NTNG1: variants seen among roughly 807,000 people sequenced by gnomAD.
The protein encoded by NTNG1 is netrin-G1.
A neutral mutation model predicts 54.0 loss-of-function variants in NTNG1; 16 were observed. That is an observed-to-expected ratio of 0.30 (90% confidence interval 0.20 to 0.45). NTNG1 has a LOEUF of 0.45. NTNG1 is among the 20% of genes least tolerant of loss of function. The probability of loss-of-function intolerance (pLI) is 1.00; values close to 1 mark genes in which losing one functional copy is unlikely to be tolerated. For synonymous variants in NTNG1, 255 were observed against 263.1 expected, an observed-to-expected ratio of 0.97 and a Z score of 0.30; for missense variants, 530 against 678.7, an observed-to-expected ratio of 0.78 and a Z score of 2.43.
At chr1:107,194,822 A>C (rs762693688) in intron 2 of NTNG1, among the ~76,000 whole-genome samples, 2 of 152,020 alleles carry the variant, frequency 1.3e-5, no homozygotes, top group African/African-American at 2.4e-5. Flanking sequence ...AGCTCCTACT[A>C]TATTTTTAAT....
In NTNG1 at chr1:107,197,111, A is replaced by C. The variant is rs140004819; in HGVS notation, c.246+48272A>C. Reference sequence around the variant, plus strand: ...ATTTATTGTTTATGTGAAACATTTTAACTGAGCATGCAGTACTTTTAGTTG... The same window carrying C: ...ATTTATTGTTTATGTGAAACATTTTCACTGAGCATGCAGTACTTTTAGTTG... On this transcript the variant is annotated intron_variant, in intron 2 of 7. Transcript: ENST00000370068. Among the ~76,000 whole-genome samples the C allele has an allele frequency of 1.6e-3, 237 of 152,192 alleles. 1 individual carries two copies. The highest frequency in any genetic ancestry group is 2.8e-3 in the Non-Finnish European group (190 of 67,952).
intron 5 of NTNG1, among the ~76,000 whole-genome samples, chr1:107,430,163 G>C (rs759535010): frequency 1.1e-4 from 17 of 152,112 alleles, no homozygotes; most frequent in Non-Finnish European, 2.5e-4. Flanking sequence ...GCTTAAGAAA[G>C]CCATCTTCTC....
At chr1:107,257,280 A>G (rs1347488811) in intron 2 of NTNG1, among the ~76,000 whole-genome samples, 2 of 152,226 alleles carry the variant, frequency 1.3e-5, no homozygotes, top group Non-Finnish European at 2.9e-5. Flanking sequence ...TCACTGAAAT[A>G]TATTTTTGTT....
intron 2 of NTNG1, among the ~76,000 whole-genome samples, chr1:107,178,436 T>G (rs1183131754): frequency 6.6e-6 from 1 of 152,104 alleles, no homozygotes; most frequent in Non-Finnish European, 1.5e-5. Context: ...GTTTATGAGG[T>G]CAGTCTTTTC....
At chr1:107,229,604 G>GGCTGCT (rs1291205609) in intron 2 of NTNG1, among the ~76,000 whole-genome samples, 1 of 151,952 alleles carries the variant, frequency 6.6e-6, no homozygotes, top group Admixed American at 6.6e-5. Context: ...AGAGATGGAG[G>GGCTGCT]TACCAGTGTG....
At chr1:107,313,920 T>G (rs1358705113) in intron 2 of NTNG1, among the ~76,000 whole-genome samples, 1 of 152,216 alleles carries the variant, frequency 6.6e-6, no homozygotes, top group Non-Finnish European at 1.5e-5. Flanking sequence ...TTTGTTTATC[T>G]TTTATCTCTG....
chr1:107,241,984 A>G (rs1485295741), intron 2 of NTNG1, among the ~76,000 whole-genome samples: 1 of 152,106 alleles, frequency 6.6e-6, no homozygotes, highest in Admixed American at 6.6e-5. Flanking sequence ...AGTATGTTTG[A>G]TCTTTAGGCC....
intron 3 of NTNG1, among the ~76,000 whole-genome samples, chr1:107,390,197 G>A (rs765986209): frequency 2.6e-5 from 4 of 152,120 alleles, no homozygotes; most frequent in Non-Finnish European, 5.9e-5. Flanking sequence ...CCCCAGCACA[G>A]CAATTGTTAC....
intron 7 of NTNG1, among the ~76,000 whole-genome samples, chr1:107,450,801 C>T (rs1676574121): frequency 6.6e-6 from 1 of 152,066 alleles, no homozygotes; most frequent in South Asian, 2.1e-4. Context: ...AGCAATTCTT[C>T]ATCAATTTTA....
At chr1:107,335,703 A>G (rs1250733235) in intron 3 of NTNG1, among the ~76,000 whole-genome samples, 1 of 151,952 alleles carries the variant, frequency 6.6e-6, no homozygotes, top group Non-Finnish European at 1.5e-5. Context: ...CGTCAGAAAA[A>G]AATAGTTTTT....
At chr1:107,294,375 C>T (rs1233242560) in intron 2 of NTNG1, among the ~76,000 whole-genome samples, 1 of 152,088 alleles carries the variant, frequency 6.6e-6, no homozygotes, top group Non-Finnish European at 1.5e-5. Flanking sequence ...CGAGGGAGTC[C>T]CATAGTTAGC....
rs1244698800 is a variant in NTNG1, at chr1:107,243,900, T to G, written c.247-80382T>G. On this transcript the variant is annotated intron_variant, in intron 2 of 7. Transcript: ENST00000370068. The stretch of plus-strand genomic sequence containing the variant: ...TTTAAATATATTATTTTTCAAATTT[T>G]GTTAAAACTAGGCATTTTGTCCAGT... Among the ~76,000 whole-genome samples the G allele has an allele frequency of 2.0e-5, 3 of 152,230 alleles. No homozygotes were observed. The South Asian group carries it at 6.2e-4, about 32-fold the overall frequency.
At chr1:107,365,954 T>C (rs972954813) in intron 3 of NTNG1, among the ~76,000 whole-genome samples, 1 of 152,204 alleles carries the variant, frequency 6.6e-6, no homozygotes, top group Non-Finnish European at 1.5e-5. Context: ...TTCATAAATG[T>C]ACTATATTCC....
At chr1:107,241,722 C>T (rs1274129894) in intron 2 of NTNG1, among the ~76,000 whole-genome samples, 1 of 152,112 alleles carries the variant, frequency 6.6e-6, no homozygotes. Context: ...CACTACTATA[C>T]CATGTTTTAA....
intron 5 of NTNG1, chr1:107,418,529 A>G (rs1370585067): frequency 1.5e-6 from 2 of 1,320,052 alleles, no homozygotes; most frequent in East Asian, 4.8e-5. Flanking sequence ...TTTAGACCAA[A>G]TGACATTATA....
intron 2 of NTNG1, among the ~76,000 whole-genome samples, chr1:107,299,881 C>T (rs1450192576): frequency 6.6e-6 from 1 of 152,188 alleles, no homozygotes; most frequent in Non-Finnish European, 1.5e-5. Flanking sequence ...CAGACACACA[C>T]ACTTCCCATT....
At chr1:107,422,054 T>C (rs909654234) in intron 5 of NTNG1, among the ~76,000 whole-genome samples, 3 of 152,052 alleles carry the variant, frequency 2.0e-5, no homozygotes, top group Non-Finnish European at 2.9e-5. Flanking sequence ...CCATGGCATA[T>C]AGAGAAAAAG....
At chr1:107,364,372 G>A (rs1356757729) in intron 3 of NTNG1, among the ~76,000 whole-genome samples, 1 of 152,038 alleles carries the variant, frequency 6.6e-6, no homozygotes, top group African/African-American at 2.4e-5. Flanking sequence ...TAAACTTTTA[G>A]CTTTTCCCCA....
chr1:107,471,806 T>A lies in NTNG1; in HGVS notation c.1391-8805T>A, dbSNP rs72989719. The stretch of plus-strand genomic sequence containing the variant: ...CTTTTATACTTCAAGTAGCTTGGAT[T>A]GGATAAGTAGTGTTTAATTCATTAT... On this transcript the variant is annotated intron_variant, in intron 7 of 7. Transcript: ENST00000370068. Among the ~76,000 whole-genome samples the A allele has an allele frequency of 2.8e-3, 419 of 152,332 alleles. 7 individuals are homozygous for A. Among genetic ancestry groups the A allele is most frequent in the African/African-American group, 9.3e-3 (387 of 41,580 alleles).
Sources: gnomAD v4.1 joint callset for allele counts (sites outside exome capture counted in the v4.1 genomes callset) on GRCh38, gnomAD v4.1.1 for gene constraint, MANE v1.5 for transcripts, NCBI Gene and HGNC (gene_info 2026-07-23, HGNC 2026-07-21) for gene names.